CNTNAP5: variants seen among roughly 807,000 people sequenced by gnomAD.
CNTNAP5 encodes contactin-associated protein-like 5.
In CNTNAP5, 72 loss-of-function variants were observed where a neutral mutation model predicts 150.2. The ratio of observed to expected loss-of-function variants is 0.48; its 90% CI spans 0.40 to 0.58. The LOEUF is 0.58. Among genes scored for constraint, CNTNAP5 ranks in the 20% least tolerant of loss-of-function variants. The pLI is 0.00. For missense variants in CNTNAP5, 1,636 were observed against 1,626.2 expected (o/e 1.01, Z -0.10); for synonymous variants, 672 against 619.8 (o/e 1.08, Z -1.25).
intron 11 of CNTNAP5, among the ~76,000 whole-genome samples, chr2:124,571,538 T>TCTCTTTG (rs1464687282): frequency 2.0e-5 from 2 of 100,278 alleles, no homozygotes; most frequent in African/African-American, 7.8e-5. Flanking sequence ...TTTTTTTTTT[T>TCTCTTTG]TTTTTTTTTT....
intron 1 of CNTNAP5, among the ~76,000 whole-genome samples, chr2:124,144,757 C>G (rs1427620590): frequency 2.2e-5 from 3 of 135,414 alleles, no homozygotes; most frequent in Non-Finnish European, 4.7e-5. Flanking sequence ...TCCAAAACAC[C>G]AAAAGCAATG....
chr2:124,417,559 C>G lies in CNTNAP5; in HGVS notation c.498C>G (p.Gly166=). Residue 166 remains glycine (G), a synonymous_variant, in exon 4 of 24, where the codon GGC becomes GGG. Coordinates refer to ENST00000682447, the MANE Select transcript of CNTNAP5 (RefSeq NM_001367498.1). ...PLEWNPSGKI[G]MRVEVYGCSY... Reference sequence around the variant, plus strand: ...AATGGAATCCCAGTGGGAAGATTGGCATGAGAGTCGAGGTCTACGGATGTT... The same window carrying G: ...AATGGAATCCCAGTGGGAAGATTGGGATGAGAGTCGAGGTCTACGGATGTT... 6.2e-7 allele frequency: 1 copy of G among 1,613,632 alleles called. No homozygotes were observed. Among genetic ancestry groups the G allele is most frequent in the Non-Finnish European group, 8.5e-7 (1 of 1,179,754 alleles).
At chr2:124,196,342 C>T (rs1470443420) in intron 1 of CNTNAP5, among the ~76,000 whole-genome samples, 1 of 152,072 alleles carries the variant, frequency 6.6e-6, no homozygotes, top group Non-Finnish European at 1.5e-5. Context: ...TGGCAGCATC[C>T]GTTATCTCAT....
intron 17 of CNTNAP5, among the ~76,000 whole-genome samples, chr2:124,777,774 G>GGTGTGT (rs1558771618): frequency 1.9e-5 from 2 of 104,656 alleles, no homozygotes; most frequent in Non-Finnish European, 2.0e-5. Context: ...AGAATGGAGG[G>GGTGTGT]ATGTGTGTGT....
chr2:124,769,823 A>T (rs1681152166), intron 16 of CNTNAP5, among the ~76,000 whole-genome samples: 1 of 152,180 alleles, frequency 6.6e-6, no homozygotes, highest in Non-Finnish European at 1.5e-5. Flanking sequence ...ACACTGGGTC[A>T]GCTTACTTAG....
At chr2:124,513,696 G>A (rs7566257) in intron 8 of CNTNAP5, among the ~76,000 whole-genome samples, 2 of 151,994 alleles carry the variant, frequency 1.3e-5, no homozygotes, top group Admixed American at 6.6e-5. Flanking sequence ...ATTATATGCC[G>A]CATAATGTGT....
chr2:124,738,815 A>G (rs1573584467), intron 13 of CNTNAP5, among the ~76,000 whole-genome samples: 2 of 152,140 alleles, frequency 1.3e-5, no homozygotes, highest in Non-Finnish European at 2.9e-5. Flanking sequence ...GACAGGAGCT[A>G]TGCAGGTTCT....
At chr2:124,776,095 C>A (rs570020127) in intron 17 of CNTNAP5, among the ~76,000 whole-genome samples, 25 of 152,216 alleles carry the variant, frequency 1.6e-4, no homozygotes, top group African/African-American at 5.3e-4. Context: ...AAATTAGGAA[C>A]GACTGTCACA....
At chr2:124,627,197 TC>T (rs1677744204) in intron 12 of CNTNAP5, among the ~76,000 whole-genome samples, 1 of 151,852 alleles carries the variant, frequency 6.6e-6, no homozygotes, top group Admixed American at 6.6e-5. Flanking sequence ...TGAGGAGGAT[TC>T]CCCCCAGCAC....
chr2:124,576,098 T>C (rs1292582812), intron 11 of CNTNAP5, among the ~76,000 whole-genome samples: 1 of 152,190 alleles, frequency 6.6e-6, no homozygotes, highest in Non-Finnish European at 1.5e-5. Context: ...TAGTTCCAGA[T>C]TTTAAGATAT....
Position 124,884,544 on chromosome 2 carries a change from G to A in CNTNAP5, c.3436+14782G>A, listed in dbSNP as rs142501052. Among the ~76,000 whole-genome samples the A allele has an allele frequency of 7.6e-4, 116 of 152,110 alleles. 1 individual carries two copies. The highest frequency in any genetic ancestry group is 6.8e-3 in the Middle Eastern group (2 of 294). ...GGAAGTGTCTGGAATGCATTGCCTT[G>A]GAGCCACCCTGAAGAGTAGGGCTGG... On this transcript the variant is annotated intron_variant, in intron 21 of 23. Coordinates refer to ENST00000682447, the MANE Select transcript of CNTNAP5 (RefSeq NM_001367498.1).
At chr2:124,765,598 A>T (rs1009161489) in intron 16 of CNTNAP5, among the ~76,000 whole-genome samples, 1 of 152,206 alleles carries the variant, frequency 6.6e-6, no homozygotes, top group Admixed American at 6.6e-5. Flanking sequence ...TGAAGTTTAT[A>T]TATACATTGT....
chr2:124,586,809 T>A (rs1359839349), intron 11 of CNTNAP5, among the ~76,000 whole-genome samples: 1 of 152,208 alleles, frequency 6.6e-6, no homozygotes, highest in African/African-American at 2.4e-5. Flanking sequence ...AGGGAACATT[T>A]GAAAGTTTGT....
intron 17 of CNTNAP5, among the ~76,000 whole-genome samples, chr2:124,778,189 A>C (rs185213365): frequency 6.6e-6 from 1 of 152,258 alleles, no homozygotes. Context: ...CCACAAGGGA[A>C]GCCCCAGTTG....
intron 21 of CNTNAP5, among the ~76,000 whole-genome samples, chr2:124,892,617 T>C (rs2104749497): frequency 6.6e-6 from 1 of 152,228 alleles, no homozygotes. Context: ...GGTGGAGGCT[T>C]CTGGACTGGG....
chr2:124,588,027 C>G (rs1464389564), intron 11 of CNTNAP5, among the ~76,000 whole-genome samples: 3 of 151,930 alleles, frequency 2.0e-5, no homozygotes, highest in Admixed American at 6.6e-5. Flanking sequence ...AAATCTCAGG[C>G]CTGTCACGAT....
At chr2:124,594,461 A>G (rs1326424386) in intron 11 of CNTNAP5, among the ~76,000 whole-genome samples, 1 of 151,984 alleles carries the variant, frequency 6.6e-6, no homozygotes, top group Non-Finnish European at 1.5e-5. Flanking sequence ...AAGTGGTGTT[A>G]TTTCTGAGGA....
chr2:124,780,215 T>G (rs1301487511), intron 17 of CNTNAP5, among the ~76,000 whole-genome samples: 3 of 152,162 alleles, frequency 2.0e-5, no homozygotes, highest in Non-Finnish European at 4.4e-5. Flanking sequence ...CACTTGGGAT[T>G]TTCTTTTAAG....
chr2:124,147,288 A>G (rs1573790446), intron 1 of CNTNAP5, among the ~76,000 whole-genome samples: 1 of 152,194 alleles, frequency 6.6e-6, no homozygotes, highest in African/African-American at 2.4e-5. Context: ...AAGTAATTCA[A>G]TGCATGTACT....
Sources: gnomAD v4.1 joint callset for allele counts (sites outside exome capture counted in the v4.1 genomes callset) on GRCh38, gnomAD v4.1.1 for gene constraint, MANE v1.5 for transcripts, NCBI Gene and HGNC (gene_info 2026-07-23, HGNC 2026-07-21) for gene names.